Variants in PHACTR3 observed in about 807,000 individuals in gnomAD.
The protein encoded by PHACTR3 is phosphatase and actin regulator 3, also known as protein phosphatase 1, regulatory subunit 123.
In PHACTR3, 16 loss-of-function variants were observed where a neutral mutation model predicts 66.8. That is an observed-to-expected ratio of 0.24 (90% CI 0.16 to 0.36). The LOEUF is 0.36. PHACTR3 is among the 10% of genes least tolerant of loss of function. The pLI is 1.00. For missense variants in PHACTR3, 647 were observed against 719.9 expected, an observed-to-expected ratio of 0.90 and a Z score of 1.16; for synonymous variants, 323 against 292.1, an observed-to-expected ratio of 1.11 and a Z score of -1.08.
intron 1 of PHACTR3, among the ~76,000 whole-genome samples, chr20:59,704,518 T>C (rs1371586076): frequency 4.0e-5 from 6 of 150,866 alleles, no homozygotes; most frequent in Non-Finnish European, 7.4e-5. Flanking sequence ...AGCTTCCTGA[T>C]CATTCTGGGT....
intron 1 of PHACTR3, among the ~76,000 whole-genome samples, chr20:59,730,921 G>T (rs1234877140): frequency 6.6e-6 from 1 of 152,100 alleles, no homozygotes; most frequent in Non-Finnish European, 1.5e-5. Flanking sequence ...GAAGACATTT[G>T]CCAATTCCTG....
intron 1 of PHACTR3, among the ~76,000 whole-genome samples, chr20:59,627,372 G>A (rs1458958253): frequency 1.3e-5 from 2 of 152,206 alleles, no homozygotes; most frequent in Admixed American, 6.5e-5. Flanking sequence ...AATTAAGATG[G>A]TGGTAGAGCT....
chr20:59,660,204 C>G (rs1270226815), intron 1 of PHACTR3, among the ~76,000 whole-genome samples: 2 of 152,146 alleles, frequency 1.3e-5, no homozygotes, highest in Non-Finnish European at 2.9e-5. Context: ...TGGTTAAAAA[C>G]TCACTCTGGG....
At chr20:59,747,942 G>A in intron 3 of PHACTR3, 107 bp downstream of exon 3, 6 of 1,192,866 alleles carry the variant, frequency 5.0e-6, no homozygotes, top group Non-Finnish European at 7.2e-6. Context: ...AGAATCCAAG[G>A]AGGGCCGTGT....
chr20:59,692,808 C>T (rs1278070900), intron 1 of PHACTR3, among the ~76,000 whole-genome samples: 1 of 152,176 alleles, frequency 6.6e-6, no homozygotes. Flanking sequence ...TCTGTATTTT[C>T]ACCTTTTAAC....
chr20:59,795,658 A>G (rs2041234188), intron 7 of PHACTR3, among the ~76,000 whole-genome samples: 2 of 152,088 alleles, frequency 1.3e-5, no homozygotes, highest in African/African-American at 4.8e-5. Context: ...ATATTTAGGT[A>G]CAAATTTGTA....
chr20:59,678,966 G>A (rs1023637568), intron 1 of PHACTR3, among the ~76,000 whole-genome samples: 8 of 146,058 alleles, frequency 5.5e-5, no homozygotes, highest in South Asian at 2.1e-4. Flanking sequence ...TGGGTGGGGT[G>A]GGGGGGCAAG....
chr20:59,681,617 A>C (rs1465861930), intron 1 of PHACTR3, among the ~76,000 whole-genome samples: 1 of 152,276 alleles, frequency 6.6e-6, no homozygotes, highest in Non-Finnish European at 1.5e-5. Flanking sequence ...AGGGAGGCTG[A>C]GTCAACAAGG....
At chr20:59,672,466 G>A (rs1387650300) in intron 1 of PHACTR3, among the ~76,000 whole-genome samples, 4 of 152,308 alleles carry the variant, frequency 2.6e-5, no homozygotes, top group African/African-American at 9.6e-5. Flanking sequence ...TATTTGGGGA[G>A]GCCCTAGCCA....
chr20:59,813,928 G>A (rs1176572613), intron 8 of PHACTR3, among the ~76,000 whole-genome samples: 1 of 152,218 alleles, frequency 6.6e-6, no homozygotes, highest in Admixed American at 6.5e-5. Flanking sequence ...ATCGTCCCCT[G>A]CTGTGTTTTT....
intron 1 of PHACTR3, among the ~76,000 whole-genome samples, chr20:59,729,680 G>A (rs192600103): frequency 1.2e-4 from 19 of 152,248 alleles, no homozygotes; most frequent in Admixed American, 1.1e-3. Context: ...GCTGTCAGCT[G>A]CTCCCGGAAA....
chr20:59,684,441 G>A (rs990382304), intron 1 of PHACTR3, among the ~76,000 whole-genome samples: 4 of 152,176 alleles, frequency 2.6e-5, no homozygotes, highest in African/African-American at 9.7e-5. Flanking sequence ...AGGGGCCTTT[G>A]CAGAACCTTC....
At chr20:59,719,035 T>A (rs1431869803) in intron 1 of PHACTR3, among the ~76,000 whole-genome samples, 1 of 152,200 alleles carries the variant, frequency 6.6e-6, no homozygotes, top group Non-Finnish European at 1.5e-5. Context: ...TGCATGAGGG[T>A]TTTTTTCTTT....
intron 1 of PHACTR3, among the ~76,000 whole-genome samples, chr20:59,653,111 T>G (rs192395087): frequency 1.3e-5 from 2 of 152,188 alleles, no homozygotes; most frequent in East Asian, 1.9e-4. Flanking sequence ...AGGGAAAATA[T>G]TCTTATAATT....
chr20:59,830,519 G>A lies in PHACTR3; in HGVS notation c.1329-5986G>A, dbSNP rs1211356042. On this transcript the variant is annotated intron_variant, in intron 8 of 12. Transcript: ENST00000371015. The surrounding 1 kb of genome is among the most constrained non-coding windows in gnomAD (Gnocchi z 5.8). ...AAGAGGGTGTGAGCATCCGTCTGATGGAGGAGGCTGTGAGTGTCTGAAGGA... is the reference window on the plus strand; with the variant it reads ...AAGAGGGTGTGAGCATCCGTCTGATAGAGGAGGCTGTGAGTGTCTGAAGGA... Among the ~76,000 whole-genome samples, 1 of 152,244 alleles carries A rather than the reference G, an allele frequency of 6.6e-6. No homozygotes were observed. The highest frequency in any genetic ancestry group is 1.5e-5 in the Non-Finnish European group (1 of 68,018).
rs540716594 is a variant in PHACTR3, at chr20:59,773,377, G to A, written c.850G>A (p.Val284Ile). ...CACGGGGTCTCCGCATCTCACCACGGTCCACCGGCCTCTTCCCCCAAGCCG... is the reference window on the plus strand; with the variant it reads ...CACGGGGTCTCCGCATCTCACCACGATCCACCGGCCTCTTCCCCCAAGCCG... ...TPTGSPHLTTVHRPLPPSRVI... is the reference protein window; with the variant it reads ...TPTGSPHLTTIHRPLPPSRVI... Residue 284 changes from valine to isoleucine, a missense_variant, in exon 6 of 13, where the codon GTC becomes ATC. This residue lies in a region of PHACTR3 where 577 missense variants were observed against 571.1 expected (regional missense o/e 1.01). Coordinates refer to ENST00000371015, the MANE Select transcript of PHACTR3 (RefSeq NM_080672.5). 1 of 1,614,108 alleles carries A rather than the reference G, an allele frequency of 6.2e-7. No individual in the cohort carries two copies. Among genetic ancestry groups the A allele is most frequent in the African/African-American group, 1.3e-5 (1 of 75,046 alleles).
chr20:59,747,947 C>A, intron 3 of PHACTR3, 112 bp downstream of exon 3: 2 of 1,139,094 alleles, frequency 1.8e-6, no homozygotes, highest in Non-Finnish European at 2.5e-6. Flanking sequence ...CCAAGGAGGG[C>A]CGTGTTCAGA....
chr20:59,733,105 C>T (rs2038828408), intron 1 of PHACTR3, among the ~76,000 whole-genome samples: 1 of 150,670 alleles, frequency 6.6e-6, no homozygotes, highest in Non-Finnish European at 1.5e-5. Flanking sequence ...CCTCCCTGCC[C>T]TCCACCCAAC....
intron 1 of PHACTR3, among the ~76,000 whole-genome samples, chr20:59,684,932 G>A (rs377718870): frequency 1.5e-4 from 23 of 152,210 alleles, no homozygotes; most frequent in African/African-American, 4.8e-4. Flanking sequence ...GGCTCAGCAC[G>A]TCCCTTGGCT....
Sources: allele counts gnomAD v4.1 joint callset (sites outside exome capture counted in the v4.1 genomes callset), GRCh38; gene constraint gnomAD v4.1.1; regional missense constraint gnomAD v4.1.1; non-coding constraint Gnocchi (gnomAD v3.1); transcripts MANE v1.5; gene names NCBI Gene and HGNC (gene_info 2026-07-23, HGNC 2026-07-21).